Variants in USP30 observed in about 807,000 individuals in gnomAD.
USP30 encodes ubiquitin carboxyl-terminal hydrolase 30.
A neutral mutation model predicts 68.2 loss-of-function variants in USP30; 41 were observed. The observed-to-expected ratio is 0.60, with a 90% CI of 0.47 to 0.78. The LOEUF is 0.78. Ranked by LOEUF, USP30 falls within the 30% of genes least tolerant of loss-of-function variation. The probability of loss-of-function intolerance (pLI) is 0.00; values close to 1 mark genes in which losing one functional copy is unlikely to be tolerated. For missense variants in USP30, 522 were observed against 649.4 expected (o/e 0.80, Z 2.13); for synonymous variants, 229 against 253.7 (o/e 0.90, Z 0.93).
chr12:109,037,295 T>C (rs2040527914), intron 3 of USP30, among the ~76,000 whole-genome samples: 1 of 152,216 alleles, frequency 6.6e-6, no homozygotes, highest in South Asian at 2.1e-4. Context: ...TCTTTATTAA[T>C]ATTCTCCATT....
At chr12:109,068,374 C>T (rs781192500) in intron 4 of USP30, among the ~76,000 whole-genome samples, 6 of 152,124 alleles carry the variant, frequency 3.9e-5, no homozygotes, top group African/African-American at 7.2e-5. Context: ...ACTGTGGGGC[C>T]GACGTGAGGG....
At chr12:109,060,761 TCTC>T (rs1403357431) in intron 3 of USP30, among the ~76,000 whole-genome samples, 1 of 152,032 alleles carries the variant, frequency 6.6e-6, no homozygotes, top group Non-Finnish European at 1.5e-5. Flanking sequence ...TTCAAGCAAT[TCTC>T]CTGCCTCAGC....
chr12:109,083,078 G>T lies in USP30; in HGVS notation c.1168+16G>T. The T allele has an allele frequency of 6.4e-7, 1 of 1,571,804 alleles. No individual in the cohort carries two copies. The highest frequency in any genetic ancestry group is 1.2e-5 in the South Asian group (1 of 84,964). On this transcript the variant is annotated intron_variant, in intron 11 of 12. Transcript: ENST00000257548. ...CCCACACCAGGTGTGTGCGCGCGAG[G>T]AGCCGATGCAGCAGGAATTTTCAGC...
At chr12:109,076,442 G>T (rs2041610782) in intron 7 of USP30, among the ~76,000 whole-genome samples, 1 of 149,406 alleles carries the variant, frequency 6.7e-6, no homozygotes. Context: ...TTATTATCCT[G>T]GCTAAGACTT....
upstream of USP30, among the ~76,000 whole-genome samples, chr12:109,049,318 ATTG>A: frequency 6.6e-6 from 1 of 152,218 alleles, no homozygotes; most frequent in South Asian, 2.1e-4. Context: ...GAAATTCAAT[ATTG>A]TTGTGTCTTA....
intron 7 of USP30, among the ~76,000 whole-genome samples, chr12:109,079,308 ATTCT>A (rs1006186811): frequency 3.1e-4 from 19 of 61,784 alleles, no homozygotes; most frequent in Admixed American, 2.1e-3. Flanking sequence ...ACGTTCACTG[ATTCT>A]TTTTTCTCTT....
chr12:109,043,069 A>G (rs1239212502), intron 3 of USP30, among the ~76,000 whole-genome samples: 2 of 152,206 alleles, frequency 1.3e-5, no homozygotes, highest in Non-Finnish European at 2.9e-5. Flanking sequence ...TTACAATGAA[A>G]ATCACAAAAT....
rs140240855 is a variant in USP30 at position 109,065,033 on chromosome 12, A to C, written c.377-2491A>C. Among the ~76,000 whole-genome samples, 412 of 152,332 alleles carry C rather than the reference A, an allele frequency of 2.7e-3. 1 individual carries two copies. The highest frequency in any genetic ancestry group is 9.2e-3 in the African/African-American group (383 of 41,568). ...CTTTATTATTATTTTTTTAAGTGAA[A>C]GCAAGTTTATTAAGAAAGTAAAGGA... On this transcript the variant is annotated intron_variant, in intron 3 of 12. Coordinates refer to ENST00000257548, the MANE Select transcript of USP30 (RefSeq NM_032663.5).
intron 3 of USP30, among the ~76,000 whole-genome samples, chr12:109,030,319 T>C (rs1326473644): frequency 6.6e-6 from 1 of 152,172 alleles, no homozygotes; most frequent in Non-Finnish European, 1.5e-5. Context: ...TTGTGTGGAT[T>C]AAACAAGATG....
intron 5 of USP30, 66 bp downstream of exon 5, chr12:109,071,776 C>A: frequency 1.4e-6 from 2 of 1,382,432 alleles, no homozygotes; most frequent in Non-Finnish European, 1.0e-6. Flanking sequence ...ATAGGGGAGG[C>A]AAGTGTAATC....
At chr12:109,054,529 CA>C (rs112406436) in intron 1 of USP30, among the ~76,000 whole-genome samples, 292 of 149,696 alleles carry the variant, frequency 2.0e-3, no homozygotes, top group Non-Finnish European at 3.1e-3. Context: ...GACACTGTCT[CA>C]AAAAAAAATA....
intron 3 of USP30, among the ~76,000 whole-genome samples, chr12:109,034,507 G>A (rs2040505132): frequency 6.6e-6 from 1 of 152,122 alleles, no homozygotes; most frequent in African/African-American, 2.4e-5. Context: ...TGGGAGGATC[G>A]CTTGAGCTCA....
chr12:109,023,275 G>C (rs2040420153), intron 1 of USP30: 1 of 152,204 alleles, frequency 6.6e-6, no homozygotes, highest in Admixed American at 6.6e-5. Flanking sequence ...CTTAGGGGTC[G>C]GGTACCATGG....
rs141817954 is a variant in USP30, at chr12:109,085,024, A to G, written c.1240A>G (p.Thr414Ala). ...NGACSPSLLP[T>A]LSAPMPFPLP... is the part of the protein sequence containing the mutation. Reference sequence around the variant, plus strand: ...CGCCTGCTCCCCATCTTTATTGCCAACGCTGTCAGCGCCGATGCCCTTCCC... The same window carrying G: ...CGCCTGCTCCCCATCTTTATTGCCAGCGCTGTCAGCGCCGATGCCCTTCCC... Residue 414 changes from threonine (T) to alanine (A), a missense_variant, in exon 12 of 13, where the codon ACG (threonine) becomes GCG (alanine). Physicochemically the swap from Thr to Ala is moderately conservative, Grantham distance 58. Coordinates refer to ENST00000257548, the MANE Select transcript of USP30 (RefSeq NM_032663.5). The G allele has an allele frequency of 6.6e-4, 1,060 of 1,607,326 alleles. 1 individual carries two copies. The highest frequency in any genetic ancestry group is 8.4e-4 in the Non-Finnish European group (986 of 1,176,024).
chr12:109,055,400 A>ATATT (rs1298811530), intron 1 of USP30, among the ~76,000 whole-genome samples: 2 of 24,466 alleles, frequency 8.2e-5, no homozygotes, highest in South Asian at 1.5e-3. Flanking sequence ...ATATATATAT[A>ATATT]TTTTTTTTTT....
chr12:109,039,488 C>A (rs2040547178), intron 3 of USP30, among the ~76,000 whole-genome samples: 1 of 152,134 alleles, frequency 6.6e-6, no homozygotes, highest in Non-Finnish European at 1.5e-5. Flanking sequence ...ATATCTTACC[C>A]TATCTGCTGC....
At chr12:109,024,400 G>A (rs1198046507) in intron 1 of USP30, among the ~76,000 whole-genome samples, 5 of 151,894 alleles carry the variant, frequency 3.3e-5, no homozygotes, top group Non-Finnish European at 7.4e-5. Flanking sequence ...TGGGATTACA[G>A]GTGTGCGCCA....
intron 3 of USP30, among the ~76,000 whole-genome samples, chr12:109,030,424 GT>G (rs1390219237): frequency 1.4e-4 from 22 of 152,262 alleles, no homozygotes; most frequent in Non-Finnish European, 1.9e-4. Flanking sequence ...CTTAAAACAA[GT>G]TTTTGAAAGA....
At chr12:109,060,728 C>T (rs980706767) in intron 3 of USP30, among the ~76,000 whole-genome samples, 5 of 152,000 alleles carry the variant, frequency 3.3e-5, no homozygotes, top group Non-Finnish European at 7.4e-5. Flanking sequence ...GATCTCGGCT[C>T]ACTGCAACCT....
Sources: gnomAD v4.1 joint callset for allele counts (sites outside exome capture counted in the v4.1 genomes callset) on GRCh38, gnomAD v4.1.1 for gene constraint, MANE v1.5 for transcripts, NCBI Gene and HGNC (gene_info 2026-07-23, HGNC 2026-07-21) for gene names.